Variants in EXT1 observed in about 807,000 individuals in gnomAD.
EXT1 encodes exostosin glycosyltransferase 1, also known as exostosin-1.
In EXT1, 20 loss-of-function variants were observed where a neutral mutation model predicts 82.5. That is an observed-to-expected ratio of 0.24 (90% confidence interval 0.17 to 0.35). The LOEUF (loss-of-function observed/expected upper bound fraction) is 0.35. Ranked by LOEUF, EXT1 falls within the 10% of genes least tolerant of loss-of-function variation. EXT1 has a pLI of 1.00. For missense variants in EXT1, 757 were observed against 936.5 expected (o/e 0.81, Z 2.50); for synonymous variants, 348 against 350.8 (o/e 0.99, Z 0.09).
rs1199863332 is a variant in EXT1, at chr8:117,801,570, ATCTTGGC to A, written c.2056-1680_2056-1674del. 6.6e-5 allele frequency among the ~76,000 whole-genome samples: 10 copies of A among 151,954 alleles called. No individual in the cohort carries two copies. The East Asian group carries it at 1.7e-3, about 26-fold the overall frequency. Reference sequence around the variant, plus strand: ...ACGCAGGCTGGAGTGCGGTGGCATGATCTTGGCTCACTGCAACCTCCACCACATGGGT... The same window carrying A: ...ACGCAGGCTGGAGTGCGGTGGCATGATCACTGCAACCTCCACCACATGGGT... On this transcript the variant is annotated intron_variant, in intron 10 of 10. Coordinates refer to ENST00000378204, the MANE Select transcript of EXT1 (RefSeq NM_000127.3).
At position 117,968,553 on chromosome 8, in the gene EXT1, A is replaced by ATTTTTTTTTTT. The variant is rs1182180428; in HGVS notation, c.963-131363_963-131353dup. On this transcript the variant is annotated intron_variant, in intron 1 of 10. Coordinates refer to ENST00000378204, the MANE Select transcript of EXT1 (RefSeq NM_000127.3). Reference sequence around the variant, plus strand: ...TATTTATTTATTTATTTATTTATTTATTTTTTTTTTTTTTTTTTTTTTTTT... The same window carrying ATTTTTTTTTTT: ...TATTTATTTATTTATTTATTTATTTATTTTTTTTTTTTTTTTTTTTTTTTTTTTTTTTTTTT... Among the ~76,000 whole-genome samples the ATTTTTTTTTTT allele has an allele frequency of 1.3e-3, 12 of 9,282 alleles. 1 individual carries two copies. The highest frequency in any genetic ancestry group is 2.6e-3 in the Admixed American group (1 of 390). 6.1% of individuals were successfully genotyped at this position (9,282 alleles called of 152,430 possible). A position where few individuals can be genotyped will look rare whatever the true frequency, so the allele number is the denominator to read the frequency against.
intron 1 of EXT1, among the ~76,000 whole-genome samples, chr8:118,049,048 C>A (rs1212280182): frequency 6.6e-6 from 1 of 152,118 alleles, no homozygotes; most frequent in African/African-American, 2.4e-5. Flanking sequence ...TTTGAAATGA[C>A]ACTCCCACAT....
At position 117,898,906 on chromosome 8, in the gene EXT1, G is replaced by A. The variant is rs536038809; in HGVS notation, c.963-61705C>T. On this transcript the variant is annotated intron_variant, in intron 1 of 10. Transcript: ENST00000378204. ...GGTCAGTAAATAGTCAGGAAACTAC[G>A]GTTTTATCAATTCCTGATTTGTTTT... Among the ~76,000 whole-genome samples, 18 of 151,904 alleles carry A rather than the reference G, an allele frequency of 1.2e-4. No homozygotes were observed. The South Asian group carries it at 3.5e-3, about 30-fold the overall frequency.
At chr8:118,011,139 G>A (rs549194792) in intron 1 of EXT1, among the ~76,000 whole-genome samples, 7 of 152,288 alleles carry the variant, frequency 4.6e-5, no homozygotes, top group South Asian at 4.1e-4. Context: ...ATATGCAAAC[G>A]ACACCTCCTC....
Position 118,022,326 on chromosome 8 carries a change from C to CTTTTT in EXT1, c.962+87754_962+87758dup, listed in dbSNP as rs71307420. ...ATACTTGGCCGGGCGCATATATATTCTTTTTTTTTTTTTTTTTTTTTTTTT... is the reference window on the plus strand; with the variant it reads ...ATACTTGGCCGGGCGCATATATATTCTTTTTTTTTTTTTTTTTTTTTTTTTTTTTT... On this transcript the variant is annotated intron_variant, in intron 1 of 10. Transcript: ENST00000378204. Among the ~76,000 whole-genome samples the CTTTTT allele has an allele frequency of 1.2e-3, 56 of 46,200 alleles. 3 individuals are homozygous for CTTTTT. The highest frequency in any genetic ancestry group is 3.3e-3 in the East Asian group (4 of 1,204). The allele number at this position is 46,200 out of a possible 152,430, so 30.3% of individuals were successfully genotyped here.
intron 1 of EXT1, among the ~76,000 whole-genome samples, chr8:117,925,954 A>G (rs963073952): frequency 6.6e-6 from 1 of 152,126 alleles, no homozygotes; most frequent in East Asian, 1.9e-4. Flanking sequence ...CATATCCTGC[A>G]ATAGCCGTTT....
rs566749666 is a variant in EXT1 at position 117,977,108 on chromosome 8, C to T, written c.962+132977G>A. ...TTAAAAAGATGACCATATATCTGGC[C>T]GGGCATGATAGCTTGCACCTATAAT... On this transcript the variant is annotated intron_variant, in intron 1 of 10. Coordinates refer to ENST00000378204, the MANE Select transcript of EXT1 (RefSeq NM_000127.3). Among the ~76,000 whole-genome samples the T allele has an allele frequency of 3.4e-3, 515 of 152,140 alleles. 5 individuals carry two copies. Among genetic ancestry groups the T allele is most frequent in the African/African-American group, 0.012 (485 of 41,496 alleles).
At chr8:117,986,302 G>C (rs186599477) in intron 1 of EXT1, among the ~76,000 whole-genome samples, 7 of 151,368 alleles carry the variant, frequency 4.6e-5, no homozygotes, top group Admixed American at 4.0e-4. Flanking sequence ...CGATTCTCCT[G>C]CCTCAGCCTC....
chr8:117,967,468 T>C (rs1814846836), intron 1 of EXT1, among the ~76,000 whole-genome samples: 1 of 152,228 alleles, frequency 6.6e-6, no homozygotes, highest in Non-Finnish European at 1.5e-5. Flanking sequence ...AGAGGAGGTA[T>C]CTTCAGACTT....
At position 117,962,767 on chromosome 8, in the gene EXT1, C is replaced by A. The variant is rs1287483947; in HGVS notation, c.963-125566G>T. ...GACTCCATCCCCCCACACCCCCCAC[C>A]CCCAAAAAAAAGAGAAAAAATGGTG... On this transcript the variant is annotated intron_variant, in intron 1 of 10. Transcript: ENST00000378204. Among the ~76,000 whole-genome samples the A allele has an allele frequency of 8.9e-5, 13 of 146,870 alleles. 1 individual carries two copies. Among genetic ancestry groups the A allele is most frequent in the Admixed American group, 8.0e-4 (12 of 14,960 alleles).
chr8:118,043,474 CAT>C (rs1022732624), intron 1 of EXT1, among the ~76,000 whole-genome samples: 1 of 152,214 alleles, frequency 6.6e-6, no homozygotes, highest in African/African-American at 2.4e-5. Flanking sequence ...AATGCCATCA[CAT>C]GTGACTTTTT....
At chr8:117,888,087 A>T (rs996359666) in intron 1 of EXT1, among the ~76,000 whole-genome samples, 5 of 150,446 alleles carry the variant, frequency 3.3e-5, no homozygotes, top group Non-Finnish European at 5.9e-5. Context: ...TCCATCTCAA[A>T]AATAATAATA....
intron 1 of EXT1, among the ~76,000 whole-genome samples, chr8:118,061,871 A>C (rs1156727030): frequency 6.6e-6 from 1 of 152,224 alleles, no homozygotes; most frequent in Non-Finnish European, 1.5e-5. Context: ...CTTAAGAAAA[A>C]TTAATAGCAA....
At chr8:118,012,530 A>G (rs1478026532) in intron 1 of EXT1, among the ~76,000 whole-genome samples, 1 of 152,236 alleles carries the variant, frequency 6.6e-6, no homozygotes, top group East Asian at 1.9e-4. Flanking sequence ...CCAGGCCCAG[A>G]TAAAAGGCTT....
chr8:118,027,186 A>C (rs1339334250), intron 1 of EXT1, among the ~76,000 whole-genome samples: 1 of 152,226 alleles, frequency 6.6e-6, no homozygotes, highest in East Asian at 1.9e-4. Context: ...TTTTGAAAGA[A>C]ACTCAAGTAC....
At chr8:117,856,517 C>T (rs1231802557) in intron 1 of EXT1, among the ~76,000 whole-genome samples, 2 of 150,454 alleles carry the variant, frequency 1.3e-5, no homozygotes, top group Non-Finnish European at 2.9e-5. Context: ...CCGCCCACCT[C>T]GGCCGCCCAA....
intron 1 of EXT1, among the ~76,000 whole-genome samples, chr8:117,934,766 C>T (rs1351048936): frequency 1.3e-5 from 2 of 152,184 alleles, no homozygotes; most frequent in Non-Finnish European, 2.9e-5. Context: ...CACTGCGGTA[C>T]AGGACAGCAA....
At chr8:117,906,309 T>C (rs1813543440) in intron 1 of EXT1, among the ~76,000 whole-genome samples, 1 of 152,190 alleles carries the variant, frequency 6.6e-6, no homozygotes, top group Non-Finnish European at 1.5e-5. Context: ...TTATGTTAAG[T>C]CTCTACCCAA....
chr8:117,900,105 G>A (rs1014344666), intron 1 of EXT1, among the ~76,000 whole-genome samples: 9 of 152,174 alleles, frequency 5.9e-5, no homozygotes, highest in South Asian at 4.1e-4. Context: ...AAAACAGTTC[G>A]CTTCCACACA....
Sources: gnomAD v4.1 joint callset for allele counts (sites outside exome capture counted in the v4.1 genomes callset) on GRCh38, gnomAD v4.1.1 for gene constraint, MANE v1.5 for transcripts, NCBI Gene and HGNC (gene_info 2026-07-23, HGNC 2026-07-21) for gene names.